The following PDIA5 variants were observed in gnomAD, a reference collection of about 807,000 sequenced individuals.
The protein encoded by PDIA5 is protein disulfide-isomerase A5.
A neutral mutation model predicts 77.6 loss-of-function variants in PDIA5; 58 were observed. The ratio of observed to expected loss-of-function variants is 0.75; its 90% CI spans 0.61 to 0.93. PDIA5 has a LOEUF of 0.93. Among genes scored for constraint, PDIA5 ranks in the 40% least tolerant of loss-of-function variants. PDIA5 has a pLI of 0.00. For synonymous variants in PDIA5, 250 were observed against 252.1 expected (o/e 0.99, Z 0.08); for missense variants, 630 against 647.7 (o/e 0.97, Z 0.30).
At chr3:123,120,293 G>A (rs1341791636) in intron 8 of PDIA5, among the ~76,000 whole-genome samples, 1 of 152,134 alleles carries the variant, frequency 6.6e-6, no homozygotes, top group Non-Finnish European at 1.5e-5. Flanking sequence ...GGGAGATCTT[G>A]GTCCAAGCTC....
intron 16 of PDIA5, 146 bp from the exon 17 acceptor site, chr3:123,161,734 A>T: frequency 1.4e-6 from 1 of 697,772 alleles, no homozygotes; most frequent in Non-Finnish European, 2.5e-6. Context: ...AGCCACGCAG[A>T]CCCTCTCCAC....
chr3:123,125,007 C>T (rs1935209119), intron 10 of PDIA5, among the ~76,000 whole-genome samples: 1 of 152,180 alleles, frequency 6.6e-6, no homozygotes, highest in South Asian at 2.1e-4. Context: ...ACCCTGTTGG[C>T]TCCTGCCTCC....
intron 3 of PDIA5, among the ~76,000 whole-genome samples, chr3:123,094,325 G>A (rs1934378292): frequency 6.6e-6 from 1 of 152,228 alleles, no homozygotes; most frequent in African/African-American, 2.4e-5. Context: ...GTTGGACTCA[G>A]GAATATCTGG....
At chr3:123,133,285 C>T (rs542149968) in intron 11 of PDIA5, among the ~76,000 whole-genome samples, 3 of 152,166 alleles carry the variant, frequency 2.0e-5, no homozygotes, top group South Asian at 4.1e-4. Context: ...TCCTGCGTTT[C>T]CTAAGTGCAG....
chr3:123,070,665 C>T (rs989346567), intron 1 of PDIA5, among the ~76,000 whole-genome samples: 8 of 152,222 alleles, frequency 5.3e-5, no homozygotes, highest in South Asian at 2.1e-4. Flanking sequence ...CGATCCCTGC[C>T]GAGCCATGCT....
In PDIA5 at chr3:123,067,182, G is replaced by T. The variant is rs1342044131; in HGVS notation, c.18G>T (p.Pro6=). 3 of 1,246,914 alleles carry T rather than the reference G, an allele frequency of 2.4e-6. No homozygotes were observed. The highest frequency in any genetic ancestry group is 1.0e-6 in the Non-Finnish European group (1 of 990,302). The allele number at this position is 1,246,914 out of a possible 1,614,324, so 77.2% of individuals were successfully genotyped here. MARAG[P]AWLLLAIWVV... ...CTGCTGGGATGGCGCGGGCCGGGCC[G>T]GCGTGGCTGCTGCTGGCAATCTGGG... Residue 6 remains proline, a synonymous_variant, in exon 1 of 17, where the codon CCG becomes CCT. Transcript: ENST00000316218.
At chr3:123,139,483 A>G (rs1935574962) in intron 11 of PDIA5, among the ~76,000 whole-genome samples, 1 of 152,224 alleles carries the variant, frequency 6.6e-6, no homozygotes, top group African/African-American at 2.4e-5. Flanking sequence ...GAGGGAATTG[A>G]TGCTAGAATT....
chr3:123,106,172 C>A (rs780574726), intron 5 of PDIA5, among the ~76,000 whole-genome samples: 3 of 152,210 alleles, frequency 2.0e-5, no homozygotes, highest in Non-Finnish European at 2.9e-5. Flanking sequence ...GGCTTCCCAG[C>A]CTGGACCTCA....
intron 1 of PDIA5, among the ~76,000 whole-genome samples, chr3:123,088,755 C>G (rs1265784491): frequency 1.3e-5 from 2 of 152,156 alleles, no homozygotes; most frequent in East Asian, 3.9e-4. Flanking sequence ...TAAATCATCT[C>G]TAGATTTTTT....
At chr3:123,091,693 A>C (rs543889087) in intron 2 of PDIA5, among the ~76,000 whole-genome samples, 1 of 152,312 alleles carries the variant, frequency 6.6e-6, no homozygotes, top group East Asian at 1.9e-4. Flanking sequence ...CATTCCTGCA[A>C]TTGACCCCTG....
chr3:123,092,217 G>A (rs888455650), intron 2 of PDIA5, 138 bp from the exon 3 acceptor site: 1 of 662,030 alleles, frequency 1.5e-6, no homozygotes, highest in Non-Finnish European at 2.7e-6. Context: ...TGCAGGGATG[G>A]GTGTTTTACC....
intron 1 of PDIA5, among the ~76,000 whole-genome samples, chr3:123,072,098 A>G (rs1172868803): frequency 1.3e-5 from 2 of 149,388 alleles, no homozygotes; most frequent in Non-Finnish European, 3.0e-5. Flanking sequence ...AACAAGATCA[A>G]TCAGGCCGCA....
intron 1 of PDIA5, among the ~76,000 whole-genome samples, chr3:123,080,884 G>A (rs922920491): frequency 3.9e-5 from 6 of 152,136 alleles, no homozygotes; most frequent in South Asian, 2.1e-4. Context: ...CCCAGGTAAC[G>A]TCTATCTTAT....
chr3:123,119,933 C>A (rs767346777), intron 8 of PDIA5, among the ~76,000 whole-genome samples: 3 of 152,186 alleles, frequency 2.0e-5, no homozygotes, highest in Non-Finnish European at 4.4e-5. Context: ...CATGCCAGGT[C>A]AGGGATGCAC....
rs147883347 is a variant in PDIA5 at position 123,149,151 on chromosome 3, T to C, written c.1143-1083T>C. On this transcript the variant is annotated intron_variant, in intron 13 of 16. Transcript: ENST00000316218. ...GAAGGTGAGAGGCAGGGAGACTGAT[T>C]TGGGAGGAGGAGGGAAGAGTAATGT... Among the ~76,000 whole-genome samples the C allele has an allele frequency of 9.4e-3, 1,425 of 152,094 alleles. 19 individuals are homozygous for C. The highest frequency in any genetic ancestry group is 0.032 in the African/African-American group (1,312 of 41,498).
At chr3:123,098,419 T>C (rs1160544878) in intron 3 of PDIA5, among the ~76,000 whole-genome samples, 2 of 152,122 alleles carry the variant, frequency 1.3e-5, no homozygotes, top group Non-Finnish European at 2.9e-5. Context: ...CAGGAGTGTG[T>C]CTCGAGTCTC....
chr3:123,070,694 C>T (rs188613268), intron 1 of PDIA5, among the ~76,000 whole-genome samples: 7 of 152,166 alleles, frequency 4.6e-5, no homozygotes, highest in South Asian at 2.1e-4. Context: ...CCCATCCCTG[C>T]GCTGACTGCC....
intron 6 of PDIA5, among the ~76,000 whole-genome samples, chr3:123,107,045 T>G (rs1449194739): frequency 6.6e-6 from 1 of 152,258 alleles, no homozygotes; most frequent in African/African-American, 2.4e-5. Flanking sequence ...ACAGGTTGCC[T>G]GAGAATTTTC....
intron 1 of PDIA5, among the ~76,000 whole-genome samples, chr3:123,074,686 C>T (rs377326988): frequency 8.5e-5 from 13 of 152,048 alleles, no homozygotes; most frequent in East Asian, 7.7e-4. Context: ...GACACTGCTA[C>T]CCTAATTACT....
Sources: allele counts gnomAD v4.1 joint callset (sites outside exome capture counted in the v4.1 genomes callset), GRCh38; gene constraint gnomAD v4.1.1; transcripts MANE v1.5; gene names NCBI Gene and HGNC (gene_info 2026-07-23, HGNC 2026-07-21).